The following MED12L variants were observed in gnomAD, a reference collection of about 807,000 sequenced individuals.
The protein encoded by MED12L is mediator complex subunit 12L.
Under a neutral mutation model 281.3 loss-of-function variants are expected in MED12L, and 60 were observed. The observed-to-expected ratio is 0.21, with a 90% confidence interval of 0.17 to 0.26. The LOEUF (loss-of-function observed/expected upper bound fraction) is 0.26, where lower values mean the gene tolerates loss of function less well. Among genes scored for constraint, MED12L ranks in the 10% least tolerant of loss-of-function variants. MED12L has a pLI of 1.00. For missense variants in MED12L, 2,146 were observed against 2,680.9 expected (o/e 0.80, Z 4.41); for synonymous variants, 974 against 987.2 (o/e 0.99, Z 0.25).
At chr3:151,360,399 C>T (rs529718732) in intron 20 of MED12L, 75 bp from the exon 21 acceptor site, 1 of 1,369,606 alleles carries the variant, frequency 7.3e-7, no homozygotes, top group African/African-American at 1.4e-5. Flanking sequence ...TACATATTTT[C>T]ATTCTAAAAG....
At chr3:151,370,534 G>C (rs1577473774) in intron 26 of MED12L, among the ~76,000 whole-genome samples, 1 of 152,172 alleles carries the variant, frequency 6.6e-6, no homozygotes, top group Non-Finnish European at 1.5e-5. Flanking sequence ...TAGTAAAAAG[G>C]GGAGGTAGAG....
In MED12L at chr3:151,435,074, TTTTTTTTTC is replaced by T; in HGVS notation, c.*2275_*2283del. 6.6e-6 allele frequency: 1 copy of T among 150,894 alleles called. No homozygotes were observed. Among genetic ancestry groups the T allele is most frequent in the East Asian group, 1.9e-4 (1 of 5,170 alleles). The allele number at this position is 150,894 out of a possible 1,614,324, so 9.3% of individuals were successfully genotyped here. A position where few individuals can be genotyped will look rare whatever the true frequency, so the allele number is the denominator to read the frequency against. On this transcript the variant is annotated 3_prime_UTR_variant, in exon 45 of 45. Transcript: ENST00000687756. ...TCTTGAGAGGTTTCTTTTTTTTTTT[TTTTTTTTTC>T]TTTTCTTGCAAATGCATTCTTTTGC...
At chr3:151,282,677 T>C (rs1742975684) in intron 16 of MED12L, among the ~76,000 whole-genome samples, 1 of 152,160 alleles carries the variant, frequency 6.6e-6, no homozygotes, top group Non-Finnish European at 1.5e-5. Flanking sequence ...AGTACTGTAT[T>C]AAAAGAATGA....
intron 5 of MED12L, among the ~76,000 whole-genome samples, chr3:151,153,608 G>A (rs1576841428): frequency 9.4e-6 from 1 of 106,402 alleles, no homozygotes; most frequent in Non-Finnish European, 1.7e-5. Context: ...TTGCTCTGTT[G>A]CCCATGCTGG....
chr3:151,187,613 G>A (rs1723449092), intron 12 of MED12L, among the ~76,000 whole-genome samples: 1 of 152,130 alleles, frequency 6.6e-6, no homozygotes, highest in South Asian at 2.1e-4. Flanking sequence ...TAGAAAACAA[G>A]GTTCTGGTCC....
chr3:151,161,865 AC>A (rs1170252392), intron 8 of MED12L, among the ~76,000 whole-genome samples: 1 of 152,214 alleles, frequency 6.6e-6, no homozygotes, highest in African/African-American at 2.4e-5. Context: ...AGTATTGGAG[AC>A]ATCTGGCAAG....
chr3:151,281,345 A>G (rs1742784820), intron 16 of MED12L, among the ~76,000 whole-genome samples: 1 of 151,634 alleles, frequency 6.6e-6, no homozygotes, highest in South Asian at 2.1e-4. Flanking sequence ...GGGAGGTGGA[A>G]GTTGCAGTGA....
At chr3:151,167,621 C>G (rs953234787) in intron 11 of MED12L, among the ~76,000 whole-genome samples, 1 of 152,176 alleles carries the variant, frequency 6.6e-6, no homozygotes, top group Admixed American at 6.5e-5. Context: ...TAGGATCATT[C>G]AGAACGTTGA....
intron 16 of MED12L, chr3:151,294,338 G>C (rs757972503): frequency 4.3e-6 from 7 of 1,613,948 alleles, no homozygotes; most frequent in Non-Finnish European, 5.9e-6. Context: ...ATTACACGCA[G>C]ACAAGAAAAG....
At position 151,213,330 on chromosome 3, in the gene MED12L, A is replaced by G. The variant is rs376045118; in HGVS notation, c.2250+19664A>G. ...AAGTATCTGTGCTTTCAAGTGTTGT[A>G]TTTCCTCTTTTGATTCTGGAAATGT... On this transcript the variant is annotated intron_variant, in intron 16 of 44. Transcript: ENST00000687756. 7.4e-6 allele frequency: 12 copies of G among 1,612,186 alleles called. No homozygotes were observed. The South Asian group carries it at 1.1e-4, about 15-fold the overall frequency.
At chr3:151,123,595 G>A (rs996831093) in intron 4 of MED12L, among the ~76,000 whole-genome samples, 1 of 152,136 alleles carries the variant, frequency 6.6e-6, no homozygotes, top group Non-Finnish European at 1.5e-5. Context: ...AACAGTATAA[G>A]ATACCTCTTG....
At chr3:151,323,993 C>T (rs1291320125) in intron 16 of MED12L, among the ~76,000 whole-genome samples, 1 of 152,116 alleles carries the variant, frequency 6.6e-6, no homozygotes, top group African/African-American at 2.4e-5. Flanking sequence ...CTAGTGGGGC[C>T]TTTGAGGAAT....
intron 13 of MED12L, 88 bp downstream of exon 13, chr3:151,188,568 T>C (rs1172030264): frequency 1.4e-5 from 19 of 1,328,390 alleles, no homozygotes; most frequent in Non-Finnish European, 2.0e-5. Flanking sequence ...TTAGATCTTA[T>C]TTAATATTCT....
intron 16 of MED12L, among the ~76,000 whole-genome samples, chr3:151,282,173 G>T (rs1397371280): frequency 1.3e-5 from 2 of 152,012 alleles, no homozygotes; most frequent in Non-Finnish European, 2.9e-5. Flanking sequence ...ATCCCCACTT[G>T]CTCTCTTGGA....
chr3:151,313,340 T>A (rs934612445), intron 16 of MED12L, among the ~76,000 whole-genome samples: 5 of 152,152 alleles, frequency 3.3e-5, no homozygotes, highest in African/African-American at 1.2e-4. Flanking sequence ...ATGGTACTAG[T>A]ATATGGTAAA....
chr3:151,412,277 C>A (rs2108361576), intron 41 of MED12L, among the ~76,000 whole-genome samples: 1 of 152,280 alleles, frequency 6.6e-6, no homozygotes, highest in South Asian at 2.1e-4. Context: ...TCTGCAGTTT[C>A]TCTGTGGAAA....
chr3:151,249,789 A>G (rs1346410012), intron 16 of MED12L, among the ~76,000 whole-genome samples: 1 of 152,126 alleles, frequency 6.6e-6, no homozygotes, highest in East Asian at 1.9e-4. Context: ...TTCTTTAACA[A>G]GTTCTTCCTG....
At chr3:151,198,983 G>T in intron 16 of MED12L, 1 of 1,613,940 alleles carries the variant, frequency 6.2e-7, no homozygotes, top group South Asian at 1.1e-5. Flanking sequence ...CACAACGGTT[G>T]ATATCATTTT....
chr3:151,191,010 G>T, intron 14 of MED12L, 79 bp downstream of exon 14: 1 of 1,245,500 alleles, frequency 8.0e-7, no homozygotes, highest in Non-Finnish European at 1.1e-6. Context: ...GTCATGTAGT[G>T]GTAGAAGAGT....
Sources: allele counts gnomAD v4.1 joint callset (sites outside exome capture counted in the v4.1 genomes callset), GRCh38; gene constraint gnomAD v4.1.1; transcripts MANE v1.5; gene names NCBI Gene and HGNC (gene_info 2026-07-23, HGNC 2026-07-21).